The following AOX1 variants were observed in gnomAD, a reference collection of about 807,000 sequenced individuals.
The protein encoded by AOX1 is aldehyde oxidase 1.
Under a neutral mutation model 169.5 loss-of-function variants are expected in AOX1, and 153 were observed. That is an observed-to-expected ratio of 0.90 (90% CI 0.79 to 1.03). The LOEUF (loss-of-function observed/expected upper bound fraction) is 1.03. Among genes scored for constraint, AOX1 ranks in the 50% least tolerant of loss-of-function variants. The probability of loss-of-function intolerance (pLI) is 0.00; values close to 1 mark genes in which losing one functional copy is unlikely to be tolerated. For synonymous variants in AOX1, 562 were observed against 581.9 expected (o/e 0.97, Z 0.49); for missense variants, 1,656 against 1,663.9 (o/e 1.00, Z 0.08).
chr2:200,622,264 A>G (rs534474175), intron 18 of AOX1, among the ~76,000 whole-genome samples: 2 of 152,242 alleles, frequency 1.3e-5, no homozygotes, highest in African/African-American at 2.4e-5. Flanking sequence ...CCCATGTCTG[A>G]TTCATCTGTG....
In AOX1 at chr2:200,588,726, C is replaced by CTTT. The variant is rs71807461; in HGVS notation, c.45+2592_45+2594dup. 1.7e-3 allele frequency among the ~76,000 whole-genome samples: 90 copies of CTTT among 53,974 alleles called. 12 individuals are homozygous for CTTT. The highest frequency in any genetic ancestry group is 3.8e-3 in the African/African-American group (62 of 16,260). The allele number at this position is 53,974 out of a possible 152,430, so 35.4% of individuals were successfully genotyped here. A position where few individuals can be genotyped will look rare whatever the true frequency, so the allele number is the denominator to read the frequency against. On this transcript the variant is annotated intron_variant, in intron 1 of 34. Transcript: ENST00000374700. ...CTTACATGGAAAGAACTAGAATAAGCTTTTTTTTTTTTTTTTTTTTTGAGA... is the reference window on the plus strand; with the variant it reads ...CTTACATGGAAAGAACTAGAATAAGCTTTTTTTTTTTTTTTTTTTTTTTTGAGA...
chr2:200,657,672 A>C lies in AOX1; in HGVS notation c.3171+735A>C, dbSNP rs141148868. On this transcript the variant is annotated intron_variant, in intron 27 of 34. Coordinates refer to ENST00000374700, the MANE Select transcript of AOX1 (RefSeq NM_001159.4). ...CAGGCTCCGAACAATTGCTAATATA[A>C]ATCACCTTTGATATTTACAGTCAAA... Among the ~76,000 whole-genome samples, 776 of 152,220 alleles carry C rather than the reference A, an allele frequency of 5.1e-3. 5 individuals are homozygous for C. The highest frequency in any genetic ancestry group is 0.018 in the African/African-American group (734 of 41,518).
At chr2:200,640,521 T>C (rs748512592) in intron 23 of AOX1, among the ~76,000 whole-genome samples, 24 of 152,050 alleles carry the variant, frequency 1.6e-4, no homozygotes, top group Non-Finnish European at 2.8e-4. Flanking sequence ...TTGGTGAAAA[T>C]CTTGGCAAAA....
rs562167664 is a variant in AOX1 at position 200,611,298 on chromosome 2, G to A, written c.1154-86G>A. 31 of 900,640 alleles carry A rather than the reference G, an allele frequency of 3.4e-5. No individual in the cohort carries two copies. In the South Asian group the frequency reaches 3.7e-4, roughly 11 times the overall value. 55.8% of individuals were successfully genotyped at this position (900,640 alleles called of 1,614,324 possible). A position where few individuals can be genotyped will look rare whatever the true frequency, so the allele number is the denominator to read the frequency against. On this transcript the variant is annotated intron_variant, in intron 12 of 34. Coordinates refer to ENST00000374700, the MANE Select transcript of AOX1 (RefSeq NM_001159.4). ...TTCCCTGAACAACCGGTTTCCTCAGGTATTTGGTAGAATTACTTCCTAAGT... is the reference window on the plus strand; with the variant it reads ...TTCCCTGAACAACCGGTTTCCTCAGATATTTGGTAGAATTACTTCCTAAGT...
chr2:200,604,394 T>C (rs1050792467), intron 8 of AOX1, among the ~76,000 whole-genome samples: 4 of 152,232 alleles, frequency 2.6e-5, no homozygotes, highest in African/African-American at 7.2e-5. Flanking sequence ...CTGAAGTTTA[T>C]TCCTCCATAG....
At chr2:200,638,610 T>C (rs1266968758) in intron 23 of AOX1, among the ~76,000 whole-genome samples, 1 of 152,234 alleles carries the variant, frequency 6.6e-6, no homozygotes, top group African/African-American at 2.4e-5. Context: ...CTGATTACCA[T>C]ACTTCTTCCC....
rs2034364460 is a variant in AOX1 at position 200,599,702 on chromosome 2, A to G, written c.392A>G (p.Asn131Ser). The G allele has an allele frequency of 6.2e-7, 1 of 1,612,156 alleles. No individual in the cohort carries two copies. The highest frequency in any genetic ancestry group is 1.7e-5 in the Admixed American group (1 of 59,888). The change falls in exon 5 of 35, where the codon AAC becomes AGC. Residue 131 changes from asparagine (N) to serine (S), a missense_variant. Asn to Ser is a conservative substitution (Grantham distance 46, BLOSUM62 1). Transcript: ENST00000374700. ...MVMSIYTLLR[N>S]HPEPTLDQLT... ...ATGTCCATCTACACGCTGCTCAGGA[A>G]CCACCCAGAGCCCACTCTGGATCAG...
chr2:200,595,392 A>G (rs1178385384), intron 3 of AOX1, 24 bp downstream of exon 3: 1 of 1,566,564 alleles, frequency 6.4e-7, no homozygotes, highest in South Asian at 1.1e-5. Flanking sequence ...AAGTCCAGAT[A>G]TGGTTGAATT....
Position 200,669,555 on chromosome 2 carries a change from T to G in AOX1, c.3799-20T>G, listed in dbSNP as rs780573799. 8.6e-5 allele frequency: 138 copies of G among 1,613,458 alleles called. No homozygotes were observed. The South Asian group carries it at 1.4e-3, about 16-fold the overall frequency. On this transcript the variant is annotated intron_variant, in intron 33 of 34. Transcript: ENST00000374700. ...AGTGAGAGAGAGAGGTATAATCTAG[T>G]TGGCATGCTTCCTTTCAAGGGTCTG...
chr2:200,663,735 G>A (rs928372473), intron 31 of AOX1, among the ~76,000 whole-genome samples: 1 of 152,088 alleles, frequency 6.6e-6, no homozygotes, highest in South Asian at 2.1e-4. Context: ...ATGGGACTGT[G>A]ATACCCTAAC....
chr2:200,606,788 A>G (rs752580021), intron 10 of AOX1, among the ~76,000 whole-genome samples: 8 of 151,776 alleles, frequency 5.3e-5, no homozygotes, highest in East Asian at 1.9e-4. Context: ...CTGCTTGTCT[A>G]TTGTTGGTGT....
At chr2:200,674,790 C>T (rs867138350), downstream of AOX1, among the ~76,000 whole-genome samples, 6 of 152,294 alleles carry the variant, frequency 3.9e-5, no homozygotes, top group South Asian at 1.0e-3. Flanking sequence ...AGGAGACCAA[C>T]TGGCCATTTG....
In AOX1 at chr2:200,659,086, CAT is replaced by C. The variant is rs2035753085; in HGVS notation, c.3172-78_3172-77del. On this transcript the variant is annotated intron_variant, in intron 27 of 34. Coordinates refer to ENST00000374700, the MANE Select transcript of AOX1 (RefSeq NM_001159.4). Reference sequence around the variant, plus strand: ...CTGTCATGGGTATGAGGGTATCACACATGTGTTACCACGTGGGCATGTGCACA... The same window carrying C: ...CTGTCATGGGTATGAGGGTATCACACGTGTTACCACGTGGGCATGTGCACA... 2.1e-6 allele frequency: 3 copies of C among 1,413,744 alleles called. No individual in the cohort carries two copies. The South Asian group carries it at 3.9e-5, about 18-fold the overall frequency. 87.6% of individuals were successfully genotyped at this position (1,413,744 alleles called of 1,614,324 possible). A position where few individuals can be genotyped will look rare whatever the true frequency, so the allele number is the denominator to read the frequency against.
intron 20 of AOX1, among the ~76,000 whole-genome samples, chr2:200,631,510 T>G (rs988862059): frequency 1.3e-5 from 2 of 152,196 alleles, no homozygotes; most frequent in African/African-American, 4.8e-5. Flanking sequence ...TTTAAGGGCC[T>G]CTTATTAAAA....
chr2:200,610,869 T>G (rs1330750943), intron 12 of AOX1, among the ~76,000 whole-genome samples: 1 of 152,170 alleles, frequency 6.6e-6, no homozygotes, highest in Non-Finnish European at 1.5e-5. Context: ...TAAAAAAATT[T>G]TTTAGATGGA....
chr2:200,599,551 C>T (rs986567359), intron 4 of AOX1, 69 bp from the exon 5 acceptor site: 8 of 1,246,032 alleles, frequency 6.4e-6, no homozygotes, highest in Non-Finnish European at 8.9e-6. Flanking sequence ...TGCTAGAATG[C>T]AGGCTCTAAT....
chr2:200,599,169 A>T (rs534458242), intron 4 of AOX1, among the ~76,000 whole-genome samples: 3 of 152,154 alleles, frequency 2.0e-5, no homozygotes, highest in Non-Finnish European at 4.4e-5. Flanking sequence ...TTTATTTTTT[A>T]TTTATTTTTT....
intron 5 of AOX1, among the ~76,000 whole-genome samples, chr2:200,601,612 G>A (rs4337457): frequency 0.85 from 128,502 of 152,048 alleles, 54,466 homozygotes; most frequent in East Asian, 0.9. Flanking sequence ...TAACAGCTCA[G>A]TAAAATGGAT....
intron 20 of AOX1, among the ~76,000 whole-genome samples, chr2:200,632,153 TC>T (rs2035140167): frequency 6.6e-6 from 1 of 152,070 alleles, no homozygotes. Context: ...TTCTGTTTGT[TC>T]CCTCTGCTTT....
Sources: gnomAD v4.1 joint callset for allele counts (sites outside exome capture counted in the v4.1 genomes callset) on GRCh38, gnomAD v4.1.1 for gene constraint, MANE v1.5 for transcripts, NCBI Gene and HGNC (gene_info 2026-07-23, HGNC 2026-07-21) for gene names.